The following POLR2F variants were observed in gnomAD, a reference collection of about 807,000 sequenced individuals.
POLR2F encodes the protein DNA-directed RNA polymerases I, II, and III subunit RPABC2.
POLR2F carries 12 observed loss-of-function variants against 22.7 expected under a neutral mutation model. The observed-to-expected ratio is 0.53, with a 90% CI of 0.34 to 0.86. The LOEUF (loss-of-function observed/expected upper bound fraction) is 0.86, where lower values mean the gene tolerates loss of function less well. Ranked by LOEUF, POLR2F falls within the 40% of genes least tolerant of loss-of-function variation. The pLI is 0.02. For missense variants in POLR2F, 126 were observed against 171.5 expected (o/e 0.73, Z 1.48); for synonymous variants, 57 against 66.0 (o/e 0.86, Z 0.66).
intron 1 of POLR2F, among the ~76,000 whole-genome samples, chr22:37,955,937 G>A (rs1366939749): frequency 6.6e-6 from 1 of 151,826 alleles, no homozygotes; most frequent in Admixed American, 6.6e-5. Context: ...CACCCACCTC[G>A]GCCTCTCAAA....
At chr22:37,999,981 C>G (rs1049796657) in intron 1 of POLR2F, among the ~76,000 whole-genome samples, 1 of 152,186 alleles carries the variant, frequency 6.6e-6, no homozygotes, top group Non-Finnish European at 1.5e-5. Context: ...AGCCTGTGCC[C>G]GCTAGGCGAA....
rs575297874 is a variant in POLR2F at position 37,992,441 on chromosome 22, C to G, written c.120+6129C>G. Among the ~76,000 whole-genome samples the G allele has an allele frequency of 5.9e-5, 9 of 151,540 alleles. No individual in the cohort carries two copies. In the South Asian group the frequency reaches 1.9e-3, roughly 32 times the overall value. On this transcript the variant is annotated intron_variant, in intron 1 of 2. Coordinates refer to the POLR2F transcript ENST00000333418. The stretch of plus-strand genomic sequence containing the variant: ...TCACTCTTTCACTCTGTTGCCTAGG[C>G]TTGAGTGCAGTGGTGTGGTCTTGGC...
chr22:37,969,561 T>TA (rs1931983322), downstream of POLR2F, among the ~76,000 whole-genome samples: 1 of 152,186 alleles, frequency 6.6e-6, no homozygotes, highest in Admixed American at 6.5e-5. Context: ...TAGTGTCATC[T>TA]TCCGGATGTG....
At position 37,967,556 on chromosome 22, in the gene POLR2F, A is replaced by G. The variant is rs536576670; in HGVS notation, c.294-69A>G. On this transcript the variant is annotated intron_variant, in intron 4 of 4. Transcript: ENST00000442738. Reference sequence around the variant, plus strand: ...TCTCTTTGCTTGTGTTTTGCACACAATCTGTTCCTTCTGCGGCAGAGCTGG... The same window carrying G: ...TCTCTTTGCTTGTGTTTTGCACACAGTCTGTTCCTTCTGCGGCAGAGCTGG... The G allele has an allele frequency of 6.9e-6, 11 of 1,591,750 alleles. No individual in the cohort carries two copies. The Admixed American group carries it at 1.2e-4, about 18-fold the overall frequency.
At chr22:38,027,038 C>T (rs2085018885), downstream of POLR2F, among the ~76,000 whole-genome samples, 1 of 152,146 alleles carries the variant, frequency 6.6e-6, no homozygotes, top group South Asian at 2.1e-4. Context: ...TGGCGAGGCT[C>T]ACTGGATGGT....
At chr22:37,956,969 T>A (rs983354051) in intron 2 of POLR2F, 127 bp downstream of exon 2, 30 of 764,960 alleles carry the variant, frequency 3.9e-5, no homozygotes, top group Non-Finnish European at 6.5e-5. Context: ...CATTCCCAGT[T>A]AGAGTGAGCT....
chr22:37,967,563 C>G, intron 4 of POLR2F, 62 bp from the exon 5 acceptor site: 1 of 1,595,968 alleles, frequency 6.3e-7, no homozygotes, highest in Non-Finnish European at 8.5e-7. Context: ...ACAATCTGTT[C>G]CTTCTGCGGC....
At chr22:38,012,313 C>CA (rs2084878071) in intron 1 of POLR2F, among the ~76,000 whole-genome samples, 2 of 152,116 alleles carry the variant, frequency 1.3e-5, no homozygotes. Context: ...AACTCCTGGC[C>CA]TCAAGTGATC....
At chr22:38,013,401 C>T (rs1256048250) in intron 1 of POLR2F, among the ~76,000 whole-genome samples, 2 of 152,216 alleles carry the variant, frequency 1.3e-5, no homozygotes, top group African/African-American at 4.8e-5. Context: ...CCACCTTGGC[C>T]TCCCAGAGTG....
chr22:37,996,523 G>A (rs1263726428), intron 1 of POLR2F, among the ~76,000 whole-genome samples: 1 of 152,208 alleles, frequency 6.6e-6, no homozygotes, highest in Non-Finnish European at 1.5e-5. Flanking sequence ...AGCCCCTGGA[G>A]AGCTTGGCTG....
At chr22:38,004,854 G>C (rs1203396132) in intron 1 of POLR2F, among the ~76,000 whole-genome samples, 1 of 152,196 alleles carries the variant, frequency 6.6e-6, no homozygotes, top group Non-Finnish European at 1.5e-5. Context: ...TGAGGCAGGA[G>C]AATCACTTGA....
In POLR2F at chr22:38,016,368, G is replaced by A. The variant is rs1379907750; in HGVS notation, c.121-9501G>A. Among the ~76,000 whole-genome samples, 5 of 152,204 alleles carry A rather than the reference G, an allele frequency of 3.3e-5. No homozygotes were observed. The highest frequency in any genetic ancestry group is 1.9e-4 in the East Asian group (1 of 5,198). ...TCCTCCCTCTGTACCTCCACCAGCC[G>A]TCCCTGGGATGCTCCAGGAAGTGCT... On this transcript the variant is annotated intron_variant, in intron 1 of 2. Transcript: ENST00000333418. The surrounding 1 kb of genome is among the most constrained non-coding windows in gnomAD (Gnocchi z 4.4).
At chr22:37,981,616 T>C (rs1932397896), upstream of POLR2F, among the ~76,000 whole-genome samples, 1 of 152,210 alleles carries the variant, frequency 6.6e-6, no homozygotes, top group African/African-American at 2.4e-5. Flanking sequence ...GCTTTGACTC[T>C]CGTTGGGCTC....
intron 1 of POLR2F, among the ~76,000 whole-genome samples, chr22:38,024,653 T>C (rs1276667055): frequency 6.6e-6 from 1 of 151,972 alleles, no homozygotes; most frequent in East Asian, 1.9e-4. Flanking sequence ...AGACCAGGTC[T>C]GGGAGGTGGG....
intron 1 of POLR2F, among the ~76,000 whole-genome samples, chr22:38,007,591 A>G (rs2084833048): frequency 6.6e-6 from 1 of 152,170 alleles, no homozygotes; most frequent in Non-Finnish European, 1.5e-5. Context: ...ATGAGATGGA[A>G]AGCCATGCCT....
At chr22:37,983,827 CG>C (rs763574758), upstream of POLR2F, 1 of 1,363,140 alleles carries the variant, frequency 7.3e-7, no homozygotes, top group Non-Finnish European at 9.5e-7. The surrounding 1 kb of genome is among the most constrained non-coding windows in gnomAD (Gnocchi z 9.5). Context: ...CCGCCTCCCC[CG>C]GGCCAGCCGC....
At chr22:37,973,341 G>A (rs1932115406), downstream of POLR2F, 6 of 604,530 alleles carry the variant, frequency 9.9e-6, no homozygotes, top group Admixed American at 3.0e-5. Context: ...GGGTCATCAG[G>A]GCAGTGAGCC....
intron 3 of POLR2F, among the ~76,000 whole-genome samples, 158 bp downstream of exon 3, chr22:37,959,634 T>C (rs375922125): frequency 2.0e-5 from 3 of 152,038 alleles, no homozygotes; most frequent in African/African-American, 7.2e-5. Context: ...GCTAGTCCCC[T>C]GCCCTCAGGG....
chr22:37,954,232 T>C (rs1369273789), intron 1 of POLR2F, among the ~76,000 whole-genome samples: 2 of 151,700 alleles, frequency 1.3e-5, no homozygotes, highest in Admixed American at 1.3e-4. Context: ...AGTATAGGAG[T>C]ACTCCAGAGG....
Sources: gnomAD v4.1 joint callset for allele counts (sites outside exome capture counted in the v4.1 genomes callset) on GRCh38, gnomAD v4.1.1 for gene constraint, Gnocchi (gnomAD v3.1) non-coding constraint, MANE v1.5 for transcripts, NCBI Gene and HGNC (gene_info 2026-07-23, HGNC 2026-07-21) for gene names.